ZNF248: variants seen among roughly 807,000 people sequenced by gnomAD.
ZNF248 encodes the protein KRAB protein domain.
Under a neutral mutation model 44.3 loss-of-function variants are expected in ZNF248, and 20 were observed. That is an observed-to-expected ratio of 0.45 (90% CI 0.32 to 0.66). ZNF248 has a LOEUF of 0.66. Among genes scored for constraint, ZNF248 ranks in the 30% least tolerant of loss-of-function variants. The pLI, the probability that ZNF248 is intolerant of heterozygous loss-of-function variation, is 0.04. For missense variants in ZNF248, 654 were observed against 677.0 expected, an observed-to-expected ratio of 0.97 and a Z score of 0.38; for synonymous variants, 224 against 229.0, an observed-to-expected ratio of 0.98 and a Z score of 0.20.
the ZNF248 span, among the ~76,000 whole-genome samples, chr10:37,767,354 A>G: frequency 0.015 from 2,273 of 152,306 alleles, 57 homozygotes; most frequent in African/African-American, 0.051. Flanking sequence ...GAAGGAAAAA[A>G]TGTTAAGGGC....
intron 6 of ZNF248, among the ~76,000 whole-genome samples, chr10:37,780,526 T>C (rs2047155733): frequency 6.6e-6 from 1 of 151,724 alleles, no homozygotes; most frequent in African/African-American, 2.4e-5. Flanking sequence ...CAAGATGGAT[T>C]AAAGACTTAA....
chr10:37,802,124 TTC>T (rs1422550213), intron 6 of ZNF248, among the ~76,000 whole-genome samples: 1 of 152,220 alleles, frequency 6.6e-6, no homozygotes, highest in African/African-American at 2.4e-5. Context: ...TTTTATCTAT[TTC>T]TGTTTTTTCT....
At chr10:37,828,426 A>T (rs978851514), downstream of ZNF248, among the ~76,000 whole-genome samples, 1 of 152,192 alleles carries the variant, frequency 6.6e-6, no homozygotes, top group Admixed American at 6.5e-5. Context: ...GAGCAAATGT[A>T]CTTTCTCAAT....
At chr10:37,797,453 T>C (rs2049286771) in intron 6 of ZNF248, among the ~76,000 whole-genome samples, 1 of 152,084 alleles carries the variant, frequency 6.6e-6, no homozygotes, top group Admixed American at 6.6e-5. Flanking sequence ...AATGAATAAA[T>C]TGAACATCAA....
At chr10:37,789,548 T>A (rs2048269988) in intron 6 of ZNF248, among the ~76,000 whole-genome samples, 1 of 152,180 alleles carries the variant, frequency 6.6e-6, no homozygotes, top group Non-Finnish European at 1.5e-5. Context: ...GCAATGAAGA[T>A]CTTTTTCTCT....
Position 37,829,106 on chromosome 10 carries a change from C to G in ZNF248, c.*2509G>C. ...CCACCCTTCTCTGTGCCCACCTGGG[C>G]TCTCCAGCAGATGTATCTGGTTGGT... On this transcript the variant is annotated 3_prime_UTR_variant, in exon 6 of 6. Coordinates refer to ENST00000395867, the MANE Select transcript of ZNF248 (RefSeq NM_021045.3). The G allele has an allele frequency of 1.0e-6, 1 of 985,508 alleles. No individual in the cohort carries two copies. Among genetic ancestry groups the G allele is most frequent in the Non-Finnish European group, 1.2e-6 (1 of 829,980 alleles). 61.0% of individuals were successfully genotyped at this position (985,508 alleles called of 1,614,324 possible).
chr10:37,799,011 TA>T (rs1481789911), intron 6 of ZNF248, among the ~76,000 whole-genome samples: 1 of 152,072 alleles, frequency 6.6e-6, no homozygotes, highest in Non-Finnish European at 1.5e-5. Context: ...GCAGAGTATT[TA>T]AAGAATGACA....
intron 3 of ZNF248, among the ~76,000 whole-genome samples, chr10:37,844,809 C>A (rs889536115): frequency 6.6e-6 from 1 of 152,016 alleles, no homozygotes; most frequent in Non-Finnish European, 1.5e-5. Flanking sequence ...AAGAAATGAA[C>A]AAACAATTCG....
chr10:37,835,577 T>A (rs2056988700), intron 5 of ZNF248, among the ~76,000 whole-genome samples: 1 of 152,188 alleles, frequency 6.6e-6, no homozygotes, highest in South Asian at 2.1e-4. Flanking sequence ...GAGCTAAGTA[T>A]GTTTTTTAAG....
chr10:37,788,309 C>T (rs1456775767), intron 6 of ZNF248, among the ~76,000 whole-genome samples: 1 of 144,102 alleles, frequency 6.9e-6, no homozygotes, highest in East Asian at 2.1e-4. Flanking sequence ...TTGAATGAGA[C>T]ATTTATCAAA....
intron 3 of ZNF248, among the ~76,000 whole-genome samples, chr10:37,843,213 G>A (rs2058667005): frequency 6.6e-6 from 1 of 152,094 alleles, no homozygotes; most frequent in South Asian, 2.1e-4. Flanking sequence ...GAGGTCAAGA[G>A]GTCAAGACCA....
chr10:37,844,142 A>G (rs2058859722), intron 3 of ZNF248, among the ~76,000 whole-genome samples: 1 of 152,240 alleles, frequency 6.6e-6, no homozygotes, highest in Admixed American at 6.5e-5. Context: ...CAAAAGCCAA[A>G]TAACAACCAC....
chr10:37,762,095 A>T, the ZNF248 span, among the ~76,000 whole-genome samples: 1 of 152,248 alleles, frequency 6.6e-6, no homozygotes, highest in Non-Finnish European at 1.5e-5. Flanking sequence ...TGGCCAGGAA[A>T]CATTTTTCAA....
chr10:37,828,101 A>G (rs2054674505), downstream of ZNF248, among the ~76,000 whole-genome samples: 2 of 152,224 alleles, frequency 1.3e-5, no homozygotes, highest in African/African-American at 4.8e-5. Context: ...TTCTTTTAAT[A>G]GAATGCAGTA....
chr10:37,766,849 C>T, the ZNF248 span, among the ~76,000 whole-genome samples: 1 of 152,022 alleles, frequency 6.6e-6, no homozygotes, highest in Non-Finnish European at 1.5e-5. Context: ...AAATTCAAAC[C>T]AATGGCAAAG....
intron 6 of ZNF248, among the ~76,000 whole-genome samples, chr10:37,799,990 T>C (rs927149937): frequency 1.1e-4 from 16 of 152,048 alleles, no homozygotes; most frequent in Non-Finnish European, 2.9e-5. Flanking sequence ...GGAGGATTGC[T>C]TGAGCCCAAG....
chr10:37,856,036 T>C (rs181276090), intron 3 of ZNF248, among the ~76,000 whole-genome samples: 3 of 152,324 alleles, frequency 2.0e-5, no homozygotes, highest in South Asian at 2.1e-4. Flanking sequence ...GAAATACTTA[T>C]AGACAATTTA....
rs747697206 is a variant in ZNF248, at chr10:37,856,317, C to G, written c.-7G>C. On this transcript the variant is annotated 5_prime_UTR_variant, in exon 3 of 6. Transcript: ENST00000395867. ...TCACCTGGGATTTGTTCATTTTCCGCTCTTAGTGGAGGAAGGAGAGCTGAA... is the reference window on the plus strand; with the variant it reads ...TCACCTGGGATTTGTTCATTTTCCGGTCTTAGTGGAGGAAGGAGAGCTGAA... The G allele has an allele frequency of 8.1e-6, 13 of 1,613,374 alleles. No homozygotes were observed. Among genetic ancestry groups the G allele is most frequent in the Non-Finnish European group, 1.0e-5 (12 of 1,179,714 alleles).
At chr10:37,851,916 G>A (rs1208661) in intron 3 of ZNF248, among the ~76,000 whole-genome samples, 9,110 of 152,060 alleles carry the variant, frequency 0.06, 352 homozygotes, top group Middle Eastern at 0.095. Flanking sequence ...AAAATTGGAA[G>A]TTAACCCAGA....
Sources: gnomAD v4.1 joint callset for allele counts (sites outside exome capture counted in the v4.1 genomes callset) on GRCh38, gnomAD v4.1.1 for gene constraint, MANE v1.5 for transcripts, NCBI Gene and HGNC (gene_info 2026-07-23, HGNC 2026-07-21) for gene names.